The following UGT1A6 variants were observed in gnomAD, a reference collection of about 807,000 sequenced individuals.
The protein encoded by UGT1A6 is UDP-glucuronosyltransferase 1A6.
In UGT1A6, 32 loss-of-function variants were observed where a neutral mutation model predicts 44.4. That is an observed-to-expected ratio of 0.72 (90% CI 0.54 to 0.97). UGT1A6 has a LOEUF of 0.97. Ranked by LOEUF, UGT1A6 falls within the 50% of genes least tolerant of loss-of-function variation. UGT1A6 has a pLI of 0.00. For missense variants in UGT1A6, 685 were observed against 661.9 expected, an observed-to-expected ratio of 1.03 and a Z score of -0.38; for synonymous variants, 238 against 248.5, an observed-to-expected ratio of 0.96 and a Z score of 0.40.
At chr2:233,755,200 G>T in intron 1 of UGT1A6, 1 of 1,105,696 alleles carries the variant, frequency 9.0e-7, no homozygotes, top group Non-Finnish European at 1.3e-6. Context: ...GCCAGCTTGC[G>T]GTACGCCTTC....
chr2:233,767,996 A>AG (rs1699544638), intron 3 of UGT1A6, 60 bp downstream of exon 3: 2 of 1,614,194 alleles, frequency 1.2e-6, no homozygotes, highest in Non-Finnish European at 1.7e-6. Flanking sequence ...AAATGGCTTA[A>AG]GCACAGCTAT....
chr2:233,724,305 C>G (rs2077214649), intron 1 of UGT1A6, among the ~76,000 whole-genome samples: 3 of 147,406 alleles, frequency 2.0e-5, no homozygotes, highest in Admixed American at 6.7e-5. Context: ...CCCCACCTCC[C>G]TCCCGGACGG....
intron 1 of UGT1A6, chr2:233,760,240 A>G (rs749913707): frequency 1.2e-6 from 2 of 1,607,210 alleles, no homozygotes; most frequent in South Asian, 2.2e-5. Context: ...TGCCATATAT[A>G]TATATATAAG....
chr2:233,716,973 C>T (rs908382461), intron 1 of UGT1A6, among the ~76,000 whole-genome samples: 4 of 152,198 alleles, frequency 2.6e-5, no homozygotes, highest in Non-Finnish European at 2.9e-5. Flanking sequence ...GCTTCTCCCT[C>T]CCCACAGTCC....
chr2:233,748,190 C>T (rs1370576625), intron 1 of UGT1A6: 2 of 1,559,306 alleles, frequency 1.3e-6, no homozygotes, highest in South Asian at 1.2e-5. Flanking sequence ...GCTTTTATTT[C>T]TGCTTGTCGT....
intron 1 of UGT1A6, among the ~76,000 whole-genome samples, chr2:233,748,713 G>T: frequency 6.6e-6 from 1 of 151,600 alleles, no homozygotes; most frequent in East Asian, 1.9e-4. Flanking sequence ...TTTGGGGTCT[G>T]GTGCATGATG....
At chr2:233,717,451 T>C (rs1244065037) in intron 1 of UGT1A6, among the ~76,000 whole-genome samples, 1 of 152,228 alleles carries the variant, frequency 6.6e-6, no homozygotes, top group Non-Finnish European at 1.5e-5. Flanking sequence ...ATCCATTCAC[T>C]GCCTGTCCCA....
chr2:233,723,201 A>T (rs11677089), intron 1 of UGT1A6, among the ~76,000 whole-genome samples: 2,577 of 129,328 alleles, frequency 0.02, 30 homozygotes, highest in Non-Finnish European at 0.026. Context: ...TGGTAAAAAA[A>T]GTCAAAACTG....
chr2:233,772,380 C>A lies in UGT1A6; in HGVS notation c.1420C>A (p.Arg474Ser), dbSNP rs566674185. ...GAGGCACAAGGGCGCGCCACACCTG[C>A]GCCCCGCAGCCCACGACCTCACCTG... ...VMRHKGAPHL[R>S]PAAHDLTWYQ... Residue 474 changes from arginine to serine, a missense_variant, in exon 5 of 5, where the codon CGC becomes AGC. Transcript: ENST00000305139. The A allele has an allele frequency of 6.2e-7, 1 of 1,614,262 alleles. No homozygotes were observed. The highest frequency in any genetic ancestry group is 1.1e-5 in the South Asian group (1 of 91,086).
intron 1 of UGT1A6, 70 bp downstream of exon 1, chr2:233,693,935 C>T (rs2075189717): frequency 6.2e-7 from 1 of 1,605,500 alleles, no homozygotes; most frequent in Non-Finnish European, 8.5e-7. Flanking sequence ...TCATTTGGCT[C>T]CTTGAGCCGA....
chr2:233,757,535 A>AATATATATACATATACATATATATAT lies in UGT1A6; in HGVS notation c.862-9490_862-9489insCATATACATATATATATATATATATA, dbSNP rs376887521. On this transcript the variant is annotated intron_variant, in intron 1 of 4. Transcript: ENST00000305139. ...CAAAGCCAAAATCTTGCCTGTAAGG[A>AATATATATACATATACATATATATAT]ATATATATATATATATATATATATA... 7.4e-3 allele frequency among the ~76,000 whole-genome samples: 638 copies of AATATATATACATATACATATATATAT among 85,730 alleles called. 7 individuals carry two copies. Among genetic ancestry groups the AATATATATACATATACATATATATAT allele is most frequent in the African/African-American group, 0.011 (216 of 19,360 alleles). 56.2% of individuals were successfully genotyped at this position (85,730 alleles called of 152,430 possible).
intron 1 of UGT1A6, among the ~76,000 whole-genome samples, chr2:233,714,210 C>T (rs368814917): frequency 6.6e-4 from 100 of 152,248 alleles, no homozygotes; most frequent in African/African-American, 2.3e-3. Context: ...CTGATCCATC[C>T]AATCTTGCTG....
chr2:233,742,567 C>T (rs1045281711), intron 1 of UGT1A6, among the ~76,000 whole-genome samples: 3 of 151,796 alleles, frequency 2.0e-5, no homozygotes, highest in East Asian at 1.9e-4. Flanking sequence ...AGCTTCTGGC[C>T]GGAATTGGGG....
chr2:233,772,497 T>A lies in UGT1A6; in HGVS notation c.1537T>A (p.Tyr513Asn). The change falls in exon 5 of 5, where the codon TAC becomes AAC. Residue 513 changes from tyrosine to asparagine, a missense_variant. By Grantham distance (143) the Tyr-to-Asn change is moderately radical (BLOSUM62 -2). Coordinates refer to ENST00000305139, the MANE Select transcript of UGT1A6 (RefSeq NM_001072.4). ...CACCTTTAAATGTTGTGCTTATGGC[T>A]ACCGGAAATGCTTGGGGAAAAAAGG... ...FITFKCCAYGYRKCLGKKGRV... is the reference protein window; with the variant it reads ...FITFKCCAYGNRKCLGKKGRV... The A allele has an allele frequency of 6.2e-7, 1 of 1,614,126 alleles. No homozygotes were observed. The highest frequency in any genetic ancestry group is 8.5e-7 in the Non-Finnish European group (1 of 1,180,040).
intron 1 of UGT1A6, among the ~76,000 whole-genome samples, chr2:233,757,237 G>A (rs934009312): frequency 2.7e-4 from 40 of 149,716 alleles, no homozygotes; most frequent in African/African-American, 9.6e-4. Flanking sequence ...CAGAAGTGGT[G>A]GTGAGGTGGG....
chr2:233,768,235 G>T lies in UGT1A6; in HGVS notation c.1097G>T (p.Arg366Leu), dbSNP rs374047963. 32 of 1,614,018 alleles carry T rather than the reference G, an allele frequency of 2.0e-5. No homozygotes were observed. Among genetic ancestry groups the T allele is most frequent in the African/African-American group, 1.3e-5 (1 of 74,898 alleles). Residue 366 changes from arginine (R) to leucine (L), a missense_variant, in exon 4 of 5, where the codon CGT becomes CTT. Physicochemically the swap from Arg to Leu is moderately radical, Grantham distance 102. Transcript: ENST00000305139. ...QNDLLGHPMT[R>L]AFITHAGSHG... is the part of the protein sequence containing the mutation. ...TGCATCTCAGGTCACCCGATGACCC[G>T]TGCCTTTATCACCCATGCTGGTTCC...
chr2:233,700,683 T>C (rs940558980), intron 1 of UGT1A6, among the ~76,000 whole-genome samples: 1 of 152,164 alleles, frequency 6.6e-6, no homozygotes, highest in Non-Finnish European at 1.5e-5. Flanking sequence ...TTCGTGATAA[T>C]ATATAAACTA....
At chr2:233,732,047 A>C (rs1159846609) in intron 1 of UGT1A6, among the ~76,000 whole-genome samples, 1 of 152,222 alleles carries the variant, frequency 6.6e-6, no homozygotes, top group Admixed American at 6.5e-5. Flanking sequence ...GATGATGAGC[A>C]TTTATTCATG....
chr2:233,711,613 G>A (rs1218892804), intron 1 of UGT1A6, among the ~76,000 whole-genome samples: 1 of 152,182 alleles, frequency 6.6e-6, no homozygotes, highest in Non-Finnish European at 1.5e-5. Context: ...CCCTCTGGTG[G>A]ACAGCTCCAT....
Sources: allele counts gnomAD v4.1 joint callset (sites outside exome capture counted in the v4.1 genomes callset), GRCh38; gene constraint gnomAD v4.1.1; transcripts MANE v1.5; gene names NCBI Gene and HGNC (gene_info 2026-07-23, HGNC 2026-07-21).